The following NFAT5 variants were observed in gnomAD, a reference collection of about 807,000 sequenced individuals.
NFAT5 encodes nuclear factor of activated T-cells 5.
A neutral mutation model predicts 166.5 loss-of-function variants in NFAT5; 31 were observed. That is an observed-to-expected ratio of 0.19 (90% CI 0.14 to 0.25). NFAT5 has a LOEUF of 0.25. NFAT5 is among the 10% of genes least tolerant of loss of function. The pLI is 1.00. For missense variants in NFAT5, 1,449 were observed against 1,821.8 expected, an observed-to-expected ratio of 0.80 and a Z score of 3.72; for synonymous variants, 612 against 639.7, an observed-to-expected ratio of 0.96 and a Z score of 0.65.
chr16:69,568,342 A>ATG (rs1490882720), intron 1 of NFAT5, among the ~76,000 whole-genome samples, 153 bp from the exon 2 acceptor site: 13 of 47,942 alleles, frequency 2.7e-4, no homozygotes, highest in South Asian at 9.0e-4. Flanking sequence ...GTGTATATAT[A>ATG]TATATGTGTG....
chr16:69,660,806 C>G (rs974075890), intron 7 of NFAT5, among the ~76,000 whole-genome samples: 2 of 151,604 alleles, frequency 1.3e-5, no homozygotes, highest in African/African-American at 4.8e-5. Context: ...ACGTCTCTCT[C>G]TCTCTTTTTT....
At chr16:69,604,619 A>G (rs577356452) in intron 2 of NFAT5, among the ~76,000 whole-genome samples, 25 of 152,278 alleles carry the variant, frequency 1.6e-4, no homozygotes, top group Middle Eastern at 3.4e-3. Flanking sequence ...CAATAAATCA[A>G]TCATTTTAAA....
Position 69,647,335 on chromosome 16 carries a change from G to A in NFAT5, c.561G>A (p.Glu187=). 6.2e-7 allele frequency: 1 copy of A among 1,614,162 alleles called. No homozygotes were observed. Among genetic ancestry groups the A allele is most frequent in the South Asian group, 1.1e-5 (1 of 91,082 alleles). The change falls in exon 4 of 15, where the codon GAG becomes GAA. Residue 187 remains glutamate (E), a synonymous_variant. Transcript: ENST00000349945. The surrounding 1 kb of genome is among the most constrained non-coding windows in gnomAD (Gnocchi z 4.8). ...ATGAGGGGTGTGGATTGGAATCTGA[G>A]CAGAGCTGCAGTATGTGGATGGAGG... ...CQDEGCGLES[E]QSCSMWMEDS... is the part of the protein sequence containing the mutation.
chr16:69,684,862 A>G, intron 10 of NFAT5, 25 bp from the exon 11 acceptor site: 2 of 1,512,656 alleles, frequency 1.3e-6, no homozygotes, highest in African/African-American at 2.8e-5. Flanking sequence ...AATGTAGATA[A>G]ATACATTAAT....
chr16:69,644,024 G>A (rs565616898), intron 3 of NFAT5, among the ~76,000 whole-genome samples: 17 of 152,262 alleles, frequency 1.1e-4, no homozygotes, highest in Admixed American at 5.2e-4. Flanking sequence ...GGTGGCTCAC[G>A]CTTATAATCC....
intron 2 of NFAT5, among the ~76,000 whole-genome samples, chr16:69,595,364 C>T (rs1212676606): frequency 6.6e-6 from 1 of 152,098 alleles, no homozygotes; most frequent in Non-Finnish European, 1.5e-5. Context: ...TACTGTTGAC[C>T]TTCTGTATTC....
chr16:69,608,499 G>C (rs976842595), intron 2 of NFAT5, among the ~76,000 whole-genome samples: 1 of 152,318 alleles, frequency 6.6e-6, no homozygotes, highest in African/African-American at 2.4e-5. Context: ...GCTCACGCCT[G>C]TAATCCCAGC....
chr16:69,622,515 T>C (rs1205822160), intron 2 of NFAT5, among the ~76,000 whole-genome samples: 1 of 152,206 alleles, frequency 6.6e-6, no homozygotes, highest in Non-Finnish European at 1.5e-5. Flanking sequence ...ATATAACAAG[T>C]TCTGCATTTA....
intron 13 of NFAT5, among the ~76,000 whole-genome samples, chr16:69,694,650 A>T (rs1161468721): frequency 6.6e-6 from 1 of 152,236 alleles, no homozygotes; most frequent in Non-Finnish European, 1.5e-5. Context: ...ATGGGTCTCA[A>T]TTCTCTCATT....
chr16:69,633,607 T>C (rs1482620469), intron 3 of NFAT5, among the ~76,000 whole-genome samples: 1 of 152,164 alleles, frequency 6.6e-6, no homozygotes, highest in Non-Finnish European at 1.5e-5. Flanking sequence ...TTCTCACTCA[T>C]ATGTGAAAGC....
At chr16:69,649,877 A>T (rs1282177655) in intron 4 of NFAT5, among the ~76,000 whole-genome samples, 1 of 151,986 alleles carries the variant, frequency 6.6e-6, no homozygotes, top group Non-Finnish European at 1.5e-5. Context: ...TTGATCTTCA[A>T]GATACCACAT....
At position 69,647,530 on chromosome 16, in the gene NFAT5, C is replaced by T; in HGVS notation, c.756C>T (p.His252=). 6 of 1,604,326 alleles carry T rather than the reference C, an allele frequency of 3.7e-6. No homozygotes were observed. The highest frequency in any genetic ancestry group is 5.1e-6 in the Non-Finnish European group (6 of 1,178,722). The change falls in exon 4 of 15, where the codon CAC becomes CAT. Residue 252 remains histidine, a synonymous_variant. Coordinates refer to ENST00000349945, the MANE Select transcript of NFAT5 (RefSeq NM_138713.4). The surrounding 1 kb of genome is among the most constrained non-coding windows in gnomAD (Gnocchi z 4.8). The stretch of plus-strand genomic sequence containing the variant: ...ATGCCGACAGTGCCAAAGCACCTCA[C>T]TATGTGCTTTCTCAGCTTACCACGG... ...IFDADSAKAP[H]YVLSQLTTDN... is the part of the protein sequence containing the mutation.
intron 2 of NFAT5, among the ~76,000 whole-genome samples, chr16:69,572,553 T>TA (rs2016504561): frequency 1.3e-5 from 2 of 152,142 alleles, no homozygotes; most frequent in Admixed American, 6.5e-5. Flanking sequence ...AAGGCACCAT[T>TA]TGTTGTACAT....
intron 2 of NFAT5, among the ~76,000 whole-genome samples, chr16:69,574,692 G>A (rs1279822931): frequency 2.7e-5 from 4 of 149,052 alleles, no homozygotes; most frequent in Admixed American, 2.0e-4. Context: ...TTTTTGAAAC[G>A]GAGTCGTGCT....
chr16:69,578,885 T>C (rs2031477760), intron 2 of NFAT5, among the ~76,000 whole-genome samples: 1 of 151,966 alleles, frequency 6.6e-6, no homozygotes, highest in African/African-American at 2.4e-5. Context: ...AAGTTTTTTT[T>C]TTTTTTTGAG....
chr16:69,608,707 T>C (rs930642878), intron 2 of NFAT5, among the ~76,000 whole-genome samples: 2 of 151,370 alleles, frequency 1.3e-5, no homozygotes, highest in Non-Finnish European at 2.9e-5. Context: ...CTCTGCCTCC[T>C]GGGTTCACGC....
chr16:69,570,929 G>A (rs531570403), intron 2 of NFAT5, among the ~76,000 whole-genome samples: 2 of 152,088 alleles, frequency 1.3e-5, no homozygotes, highest in Non-Finnish European at 2.9e-5. Context: ...GCAAATTCGT[G>A]TAAAGCATTT....
intron 2 of NFAT5, among the ~76,000 whole-genome samples, chr16:69,572,421 A>G (rs1285620277): frequency 6.6e-6 from 1 of 151,390 alleles, no homozygotes; most frequent in Middle Eastern, 3.2e-3. Context: ...TGTATTTTCC[A>G]TCTTTAAAGA....
chr16:69,569,459 C>G (rs1011996122), intron 2 of NFAT5, among the ~76,000 whole-genome samples: 1 of 151,524 alleles, frequency 6.6e-6, no homozygotes, highest in Non-Finnish European at 1.5e-5. Context: ...TTAAAAAGGC[C>G]CTAAATATTT....
Sources: gnomAD v4.1 joint callset for allele counts (sites outside exome capture counted in the v4.1 genomes callset) on GRCh38, gnomAD v4.1.1 for gene constraint, Gnocchi (gnomAD v3.1) non-coding constraint, MANE v1.5 for transcripts, NCBI Gene and HGNC (gene_info 2026-07-23, HGNC 2026-07-21) for gene names.